IFT56: variants seen among roughly 807,000 people sequenced by gnomAD.
IFT56 encodes the protein intraflagellar transport protein 56.
the IFT56 span, among the ~76,000 whole-genome samples, chr7:139,177,314 T>C: frequency 6.6e-6 from 1 of 151,710 alleles, no homozygotes; most frequent in Non-Finnish European, 1.5e-5. Context: ...TTGCCTGATA[T>C]CAGATTCCTA....
chr7:139,190,180 C>G, the IFT56 span: 2 of 152,130 alleles, frequency 1.3e-5, no homozygotes, highest in Non-Finnish European at 2.9e-5. Flanking sequence ...GGTAACAAAG[C>G]AGGTTAGGTT....
chr7:139,177,702 A>G, the IFT56 span, among the ~76,000 whole-genome samples: 1 of 151,934 alleles, frequency 6.6e-6, no homozygotes. Flanking sequence ...AAACAGGATA[A>G]GGAGCCTTAG....
the IFT56 span, chr7:139,187,687 G>C: frequency 9.7e-7 from 1 of 1,026,884 alleles, no homozygotes; most frequent in Non-Finnish European, 1.4e-6. Context: ...AAATATTTCT[G>C]TCTGACCATT....
the IFT56 span, among the ~76,000 whole-genome samples, chr7:139,166,155 G>A: frequency 2.0e-5 from 3 of 151,946 alleles, no homozygotes; most frequent in African/African-American, 2.4e-5. Context: ...ACGGGGTTTC[G>A]CCATGTTGGC....
At chr7:139,186,309 C>T in the IFT56 span, among the ~76,000 whole-genome samples, 3 of 151,812 alleles carry the variant, frequency 2.0e-5, no homozygotes, top group African/African-American at 7.3e-5. Flanking sequence ...ACCTGTAGTC[C>T]CAGCTGCTTG....
At chr7:139,171,241 C>A in the IFT56 span, among the ~76,000 whole-genome samples, 1 of 152,196 alleles carries the variant, frequency 6.6e-6, no homozygotes, top group South Asian at 2.1e-4. Flanking sequence ...TTGGGAGAAT[C>A]AATGTTGTTA....
chr7:139,175,241 C>T, the IFT56 span, among the ~76,000 whole-genome samples: 1 of 151,966 alleles, frequency 6.6e-6, no homozygotes, highest in Non-Finnish European at 1.5e-5. Flanking sequence ...ATTAGCACAC[C>T]TACTATGTAT....
the IFT56 span, chr7:139,148,416 A>G: frequency 2.6e-6 from 4 of 1,566,628 alleles, no homozygotes; most frequent in Non-Finnish European, 3.5e-6. Context: ...CTTCATTCCA[A>G]TTTGAATTAC....
At chr7:139,166,877 G>A in the IFT56 span, 3 of 1,585,090 alleles carry the variant, frequency 1.9e-6, no homozygotes, top group East Asian at 2.2e-5. Context: ...TTAAGGATCT[G>A]GAACCTACTA....
chr7:139,174,300 C>T, the IFT56 span: 1 of 562,948 alleles, frequency 1.8e-6, no homozygotes, highest in Non-Finnish European at 3.6e-6. Context: ...CACGGGAGCC[C>T]ACCTGGTGCT....
At chr7:139,177,591 T>A in the IFT56 span, among the ~76,000 whole-genome samples, 1 of 147,228 alleles carries the variant, frequency 6.8e-6, no homozygotes, top group South Asian at 2.1e-4. Flanking sequence ...GTATATCTGA[T>A]CGGATATACA....
the IFT56 span, among the ~76,000 whole-genome samples, chr7:139,141,639 CT>C: frequency 3.3e-5 from 5 of 151,848 alleles, no homozygotes; most frequent in African/African-American, 1.2e-4. Context: ...ATGACTTTTT[CT>C]GTAAAAGAGA....
the IFT56 span, among the ~76,000 whole-genome samples, chr7:139,169,578 T>C: frequency 6.6e-6 from 1 of 152,262 alleles, no homozygotes; most frequent in African/African-American, 2.4e-5. Context: ...CTGAGAGTTT[T>C]AAAACTTTGA....
At chr7:139,134,505 G>T in the IFT56 span, 1 of 750,068 alleles carries the variant, frequency 1.3e-6, no homozygotes. Flanking sequence ...TCCTGACCTC[G>T]TGATCCGCCG....
At chr7:139,172,912 T>A in the IFT56 span, 1 of 714,444 alleles carries the variant, frequency 1.4e-6, no homozygotes, top group East Asian at 2.8e-5. Context: ...TGTCTTCTTT[T>A]CCAGGTGCAG....
chr7:139,137,994 A>G, the IFT56 span: 1 of 1,063,888 alleles, frequency 9.4e-7, no homozygotes, highest in Admixed American at 2.0e-5. Flanking sequence ...ATGTTATTAA[A>G]CTTTATATTA....
chr7:139,174,638 T>C, the IFT56 span, among the ~76,000 whole-genome samples: 6 of 152,066 alleles, frequency 3.9e-5, no homozygotes, highest in South Asian at 1.0e-3. Context: ...AATCAAAATA[T>C]AGAAGGAGCC....
At chr7:139,184,285 G>A in the IFT56 span, among the ~76,000 whole-genome samples, 2 of 152,180 alleles carry the variant, frequency 1.3e-5, no homozygotes, top group South Asian at 2.1e-4. Context: ...CTTGCTGTGT[G>A]TGTGTGGCGT....
chr7:139,172,858 C>A, the IFT56 span: 49 of 682,914 alleles, frequency 7.2e-5, no homozygotes, highest in Non-Finnish European at 1.0e-4. Context: ...TCCTTCCTTG[C>A]TAGGAGTCAG....
Sources: allele counts gnomAD v4.1 joint callset (sites outside exome capture counted in the v4.1 genomes callset), GRCh38; gene constraint gnomAD v4.1.1; transcripts MANE v1.5; gene names NCBI Gene and HGNC (gene_info 2026-07-23, HGNC 2026-07-21).